Variants in IQCJ observed in about 807,000 individuals in gnomAD.
IQCJ encodes IQ domain-containing protein J.
Under a neutral mutation model 11.0 loss-of-function variants are expected in IQCJ, and 9 were observed. The ratio of observed to expected loss-of-function variants is 0.82; its 90% CI spans 0.49 to 1.43. IQCJ has a LOEUF of 1.43. Ranked by LOEUF, IQCJ falls within the 40% of genes most tolerant of loss-of-function variation. The probability of loss-of-function intolerance (pLI) is 0.00; values close to 1 mark genes in which losing one functional copy is unlikely to be tolerated. For synonymous variants in IQCJ, 55 were observed against 51.3 expected (o/e 1.07, Z -0.31); for missense variants, 146 against 133.2 (o/e 1.10, Z -0.47).
rs553735439 is a variant in IQCJ, at chr3:159,255,907, C to T, written c.155+3100C>T. ...AGCACCAAAAGGAAGGCTCTCTGAG[C>T]AACTCTAAGGCTAAAGATGAATGTG... is the stretch of plus-strand genomic sequence containing the variant. On this transcript the variant is annotated intron_variant, in intron 3 of 3. Transcript: ENST00000397832. Among the ~76,000 whole-genome samples the T allele has an allele frequency of 2.6e-5, 4 of 152,262 alleles. No individual in the cohort carries two copies. In the South Asian group the frequency reaches 8.3e-4, roughly 32 times the overall value.
chr3:159,239,805 C>A (rs1726807839), intron 1 of IQCJ, among the ~76,000 whole-genome samples: 1 of 152,076 alleles, frequency 6.6e-6, no homozygotes, highest in Non-Finnish European at 1.5e-5. Flanking sequence ...TTTAGATATA[C>A]AAATATTTAC....
chr3:159,186,850 C>T (rs985145874), intron 1 of IQCJ, among the ~76,000 whole-genome samples: 2 of 152,174 alleles, frequency 1.3e-5, no homozygotes, highest in African/African-American at 4.8e-5. Flanking sequence ...TGAGAGAAAA[C>T]GGGATGTCAG....
At chr3:159,196,323 A>C (rs142596103) in intron 1 of IQCJ, among the ~76,000 whole-genome samples, 1,686 of 152,336 alleles carry the variant, frequency 0.011, 28 homozygotes, top group African/African-American at 0.038. Context: ...TCTACATTTT[A>C]ATGGATGGAG....
intron 1 of IQCJ, among the ~76,000 whole-genome samples, chr3:159,168,509 A>C (rs1267128803): frequency 1.3e-5 from 2 of 152,186 alleles, no homozygotes. Context: ...ACTACAATTA[A>C]GTGATCTTAT....
intron 3 of IQCJ, among the ~76,000 whole-genome samples, chr3:159,253,253 T>C (rs1375875055): frequency 6.6e-6 from 1 of 152,022 alleles, no homozygotes; most frequent in Non-Finnish European, 1.5e-5. Context: ...TCTTCTCTTC[T>C]TTTTTTCTCA....
chr3:159,115,891 G>A (rs1171318822), intron 1 of IQCJ, among the ~76,000 whole-genome samples: 1 of 152,214 alleles, frequency 6.6e-6, no homozygotes, highest in South Asian at 2.1e-4. Flanking sequence ...GGGGCAGGGG[G>A]CATGGGTATC....
intron 1 of IQCJ, among the ~76,000 whole-genome samples, chr3:159,185,849 G>C (rs953551865): frequency 2.6e-5 from 4 of 152,186 alleles, no homozygotes; most frequent in African/African-American, 7.2e-5. Context: ...AGAGAACCAG[G>C]AGGAGGCCAC....
chr3:159,239,841 A>G (rs557616845), intron 1 of IQCJ, among the ~76,000 whole-genome samples: 6 of 152,346 alleles, frequency 3.9e-5, no homozygotes, highest in South Asian at 2.1e-4. Context: ...TTCTTACAGT[A>G]ACATATGCTT....
At chr3:159,232,694 T>C (rs1217823074) in intron 1 of IQCJ, among the ~76,000 whole-genome samples, 1 of 152,168 alleles carries the variant, frequency 6.6e-6, no homozygotes, top group Non-Finnish European at 1.5e-5. Flanking sequence ...AGAATGTATA[T>C]TCTGTTGATT....
intron 1 of IQCJ, among the ~76,000 whole-genome samples, chr3:159,155,467 T>C (rs1721464162): frequency 6.6e-6 from 1 of 152,230 alleles, no homozygotes; most frequent in Non-Finnish European, 1.5e-5. Context: ...CTCAGTCATT[T>C]ACTTTTGCCT....
At chr3:159,124,210 T>A (rs1719541970) in intron 1 of IQCJ, among the ~76,000 whole-genome samples, 1 of 152,150 alleles carries the variant, frequency 6.6e-6, no homozygotes, top group African/African-American at 2.4e-5. Context: ...GTCACCTGTC[T>A]GGGGAAGGCT....
intron 1 of IQCJ, among the ~76,000 whole-genome samples, chr3:159,086,792 G>A (rs1373138854): frequency 1.3e-5 from 2 of 152,132 alleles, no homozygotes; most frequent in East Asian, 1.9e-4. Context: ...TACTGAAGTT[G>A]CTTATCAGCT....
Position 159,218,406 on chromosome 3 carries a change from T to C in IQCJ, c.10-27437T>C, listed in dbSNP as rs1181719591. On this transcript the variant is annotated intron_variant, in intron 1 of 3. Transcript: ENST00000397832. ...AAGAAACATATCAGAAGTTCAAACATACAGATAGATGCAAGATCATAAGTC... is the reference window on the plus strand; with the variant it reads ...AAGAAACATATCAGAAGTTCAAACACACAGATAGATGCAAGATCATAAGTC... Among the ~76,000 whole-genome samples, 6 of 151,702 alleles carry C rather than the reference T, an allele frequency of 4.0e-5. No individual in the cohort carries two copies. The South Asian group carries it at 8.3e-4, about 21-fold the overall frequency.
At chr3:159,209,650 G>T (rs73877558) in intron 1 of IQCJ, among the ~76,000 whole-genome samples, 1,787 of 152,240 alleles carry the variant, frequency 0.012, 28 homozygotes, top group African/African-American at 0.041. Context: ...GGGTACGGGG[G>T]GTTGTTCCTG....
At chr3:159,189,598 C>T (rs1225844586) in intron 1 of IQCJ, among the ~76,000 whole-genome samples, 3 of 152,172 alleles carry the variant, frequency 2.0e-5, no homozygotes, top group Non-Finnish European at 2.9e-5. Flanking sequence ...TACTTTGCTG[C>T]CCTAGGGTCG....
At chr3:159,084,077 A>G (rs1475551241) in intron 1 of IQCJ, among the ~76,000 whole-genome samples, 1 of 152,110 alleles carries the variant, frequency 6.6e-6, no homozygotes, top group Non-Finnish European at 1.5e-5. Flanking sequence ...AAACTGGTGA[A>G]ACTTGATTAA....
chr3:159,103,713 C>A (rs1385570822), intron 1 of IQCJ, among the ~76,000 whole-genome samples: 2 of 152,188 alleles, frequency 1.3e-5, no homozygotes, highest in African/African-American at 4.8e-5. Context: ...CCCACTTGTC[C>A]ATGGTGTTTC....
chr3:159,238,674 T>C (rs1033957151), intron 1 of IQCJ, among the ~76,000 whole-genome samples: 1 of 152,088 alleles, frequency 6.6e-6, no homozygotes, highest in Non-Finnish European at 1.5e-5. Context: ...AACTTTCTTT[T>C]TGGGTTAGAA....
chr3:159,192,888 C>T (rs964977738), intron 1 of IQCJ, among the ~76,000 whole-genome samples: 10 of 152,252 alleles, frequency 6.6e-5, no homozygotes, highest in South Asian at 2.1e-4. Flanking sequence ...GGGAAGCTTA[C>T]AAGAAGAAGG....
Sources: allele counts gnomAD v4.1 joint callset (sites outside exome capture counted in the v4.1 genomes callset), GRCh38; gene constraint gnomAD v4.1.1; transcripts MANE v1.5; gene names NCBI Gene and HGNC (gene_info 2026-07-23, HGNC 2026-07-21).